Variants in MED1 observed in about 807,000 individuals in gnomAD.
The protein encoded by MED1 is mediator of RNA polymerase II transcription subunit 1.
Under a neutral mutation model 121.3 loss-of-function variants are expected in MED1, and 17 were observed. The ratio of observed to expected loss-of-function variants is 0.14; its 90% CI spans 0.10 to 0.21. MED1 has a LOEUF of 0.21. Ranked by LOEUF, MED1 falls within the 10% of genes least tolerant of loss-of-function variation. MED1 has a pLI of 1.00. For missense variants in MED1, 1,558 were observed against 1,919.4 expected, an observed-to-expected ratio of 0.81 and a Z score of 3.52; for synonymous variants, 661 against 694.4, an observed-to-expected ratio of 0.95 and a Z score of 0.76.
In MED1 at chr17:39,447,915, A is replaced by G; in HGVS notation, c.26-11T>C. The stretch of plus-strand genomic sequence containing the variant: ...TCAGCTTTTCTGACTCTATGATTTA[A>G]ATCAGAAAACGTTATCAGTAACTGT... On this transcript the variant is annotated splice_polypyrimidine_tract_variant and intron_variant, in intron 1 of 16. Coordinates refer to ENST00000300651, the MANE Select transcript of MED1 (RefSeq NM_004774.4). The G allele has an allele frequency of 6.3e-7, 1 of 1,579,386 alleles. No individual in the cohort carries two copies. Among genetic ancestry groups the G allele is most frequent in the Non-Finnish European group, 8.7e-7 (1 of 1,150,742 alleles).
At chr17:39,438,806 G>T (rs4795365) in intron 6 of MED1, among the ~76,000 whole-genome samples, 11,496 of 152,102 alleles carry the variant, frequency 0.076, 596 homozygotes, top group East Asian at 0.24. Flanking sequence ...AAAATTAGCT[G>T]GGCATGGTGG....
intron 3 of MED1, among the ~76,000 whole-genome samples, chr17:39,441,173 C>T (rs891148371): frequency 2.6e-5 from 4 of 152,016 alleles, no homozygotes; most frequent in Admixed American, 1.3e-4. Flanking sequence ...AATAGATGAA[C>T]CTTGAAGACA....
chr17:39,439,137 T>A (rs766832837), intron 6 of MED1, 28 bp downstream of exon 6: 6 of 1,587,146 alleles, frequency 3.8e-6, no homozygotes, highest in Non-Finnish European at 4.3e-6. Context: ...TCTGTCAATA[T>A]CAAGGAATAT....
intron 1 of MED1, among the ~76,000 whole-genome samples, chr17:39,448,702 G>A (rs2048753284): frequency 6.6e-6 from 1 of 152,212 alleles, no homozygotes; most frequent in East Asian, 1.9e-4. Context: ...CTGAGGTTGG[G>A]AATTCGAGAC....
intron 3 of MED1, among the ~76,000 whole-genome samples, 183 bp downstream of exon 3, chr17:39,443,367 T>C (rs910147172): frequency 1.3e-5 from 2 of 152,084 alleles, no homozygotes; most frequent in Non-Finnish European, 2.9e-5. Context: ...CAAAACAGGA[T>C]CAAAAATAAA....
intron 11 of MED1, 108 bp downstream of exon 11, chr17:39,424,519 A>G: frequency 1.4e-6 from 1 of 694,898 alleles, no homozygotes. Context: ...ATAAAACAAA[A>G]GGCCAACCTC....
rs1312668645 is a variant in MED1, at chr17:39,405,588, T to A, written c.*1887A>T. ...ATCAACATCACAAGATAAAGCACTC[T>A]GGTATCACCTGCCCATATCCTCCTT... On this transcript the variant is annotated 3_prime_UTR_variant, in exon 17 of 17. Transcript: ENST00000300651. 5.7e-6 allele frequency: 7 copies of A among 1,236,054 alleles called. No individual in the cohort carries two copies. Among genetic ancestry groups the A allele is most frequent in the African/African-American group, 1.5e-5 (1 of 65,654 alleles). 76.6% of individuals were successfully genotyped at this position (1,236,054 alleles called of 1,614,324 possible).
rs143205280 is a variant in MED1, at chr17:39,440,317, C to G, written c.399+69G>C. ...TAAACCCAAGCTATTTAAACCCCAACAATTAATTTTAAAATTAATGTCCCT... is the reference window on the plus strand; with the variant it reads ...TAAACCCAAGCTATTTAAACCCCAAGAATTAATTTTAAAATTAATGTCCCT... On this transcript the variant is annotated intron_variant, in intron 5 of 16. Transcript: ENST00000300651. The surrounding 1 kb of genome is among the most constrained non-coding windows in gnomAD (Gnocchi z 4.1). 2.7e-4 allele frequency: 390 copies of G among 1,455,348 alleles called. 3 individuals are homozygous for G. The East Asian group carries it at 8.9e-3, about 33-fold the overall frequency. 90.2% of individuals were successfully genotyped at this position (1,455,348 alleles called of 1,614,324 possible).
intron 1 of MED1, among the ~76,000 whole-genome samples, chr17:39,450,092 G>A (rs137924924): frequency 1.3e-5 from 2 of 150,842 alleles, no homozygotes; most frequent in East Asian, 4.0e-4. Context: ...GGGATTACAC[G>A]CGTGAGCCAC....
rs768196161 is a variant in MED1, at chr17:39,439,119, C to G, written c.428+46G>C. On this transcript the variant is annotated intron_variant, in intron 6 of 16. Transcript: ENST00000300651. The stretch of plus-strand genomic sequence containing the variant: ...AGTCTTAAAAGCCAGCTGTAAAGAA[C>G]AGCACTGTCTGTCAATATCAAGGAA... 88 of 1,554,492 alleles carry G rather than the reference C, an allele frequency of 5.7e-5. 1 individual carries two copies. The South Asian group carries it at 9.8e-4, about 17-fold the overall frequency.
chr17:39,431,969 T>A lies in MED1; in HGVS notation c.548A>T (p.Asp183Val). 1 of 1,607,724 alleles carries A rather than the reference T, an allele frequency of 6.2e-7. No homozygotes were observed. Among genetic ancestry groups the A allele is most frequent in the Middle Eastern group, 1.7e-4 (1 of 6,048 alleles). Residue 183 changes from aspartate (D) to valine (V), a missense_variant, in exon 8 of 17, where the codon GAT (aspartate) becomes GTT (valine). By Grantham distance (152) the Asp-to-Val change is radical. Around this residue, in one of 5 missense-constraint regions of MED1, gnomAD observed 443 missense variants for 532.4 expected, o/e 0.83. Transcript: ENST00000300651. ...MYLALQSLEQ[D>V]LSKMAIMYWK... ...GTACATAATTGCCATTTTAGAAAGA[T>A]CTTGTTCTAAGGATTGGAGAGCCAA...
chr17:39,449,758 C>A (rs1222523343), intron 1 of MED1, among the ~76,000 whole-genome samples: 1 of 150,986 alleles, frequency 6.6e-6, no homozygotes, highest in Non-Finnish European at 1.5e-5. Flanking sequence ...GATCCGCCCA[C>A]CTCAGCCTCC....
At chr17:39,413,148 C>T (rs1264495582) in intron 16 of MED1, among the ~76,000 whole-genome samples, 1 of 151,862 alleles carries the variant, frequency 6.6e-6, no homozygotes, top group Admixed American at 6.6e-5. Context: ...AATCTCGGCT[C>T]ACTGCAGCCT....
intron 2 of MED1, among the ~76,000 whole-genome samples, chr17:39,443,830 T>C (rs2048701888): frequency 6.8e-6 from 1 of 145,986 alleles, no homozygotes; most frequent in Admixed American, 6.9e-5. Flanking sequence ...TATATGAGTG[T>C]AGAAAAAGGT....
chr17:39,407,226 C>G lies in MED1; in HGVS notation c.*249G>C, dbSNP rs908992405. ...CTCCCACCCCCCTCCCTTTCTTAAG[C>G]AAGTATTTTAACTTTCTTTCTGGCA... On this transcript the variant is annotated 3_prime_UTR_variant, in exon 17 of 17. Transcript: ENST00000300651. The G allele has an allele frequency of 2.0e-6, 1 of 492,948 alleles. No homozygotes were observed. The highest frequency in any genetic ancestry group is 2.5e-5 in the African/African-American group (1 of 40,222). 30.5% of individuals were successfully genotyped at this position (492,948 alleles called of 1,614,324 possible). A position where few individuals can be genotyped will look rare whatever the true frequency, so the allele number is the denominator to read the frequency against.
chr17:39,448,982 T>A (rs1218461637), intron 1 of MED1, among the ~76,000 whole-genome samples: 2 of 151,544 alleles, frequency 1.3e-5, no homozygotes, highest in Non-Finnish European at 1.5e-5. Context: ...TCCTACTTCA[T>A]GAAGTTTCCA....
rs55829399 is a variant in MED1 at position 39,414,634 on chromosome 17, CTTTTTTTTTTTTTTTTTTTTTT to C, written c.1499+370_1499+391del. Among the ~76,000 whole-genome samples the C allele has an allele frequency of 0.01, 645 of 61,568 alleles. 29 individuals are homozygous for C. The Middle Eastern group carries it at 0.17, about 16-fold the overall frequency. The allele number at this position is 61,568 out of a possible 152,430, so 40.4% of individuals were successfully genotyped here. On this transcript the variant is annotated intron_variant, in intron 16 of 16. Coordinates refer to ENST00000300651, the MANE Select transcript of MED1 (RefSeq NM_004774.4). ...ACAGGCGTGAGCCACCAGGCCCGGCCTTTTTTTTTTTTTTTTTTTTTTTTTTTTTTTTTTTTTTTTACAACAA... is the reference window on the plus strand; with the variant it reads ...ACAGGCGTGAGCCACCAGGCCCGGCCTTTTTTTTTTTTTTTTTTACAACAA...
intron 13 of MED1, among the ~76,000 whole-genome samples, chr17:39,422,826 G>A (rs142048538): frequency 4.1e-4 from 62 of 149,516 alleles, no homozygotes; most frequent in Non-Finnish European, 7.8e-4. Flanking sequence ...CCTAATGGAA[G>A]CTCATGCCCT....
chr17:39,451,203 T>G lies in MED1; in HGVS notation c.-141A>C. ...CTTCCCGGGAAGGATCAATCTGAAGTCCCCGGCGGCAAGAAGAGAAGGGTG... is the reference window on the plus strand; with the variant it reads ...CTTCCCGGGAAGGATCAATCTGAAGGCCCCGGCGGCAAGAAGAGAAGGGTG... On this transcript the variant is annotated 5_prime_UTR_variant, in exon 1 of 17. Coordinates refer to ENST00000300651, the MANE Select transcript of MED1 (RefSeq NM_004774.4). 2.2e-6 allele frequency: 2 copies of G among 924,422 alleles called. No homozygotes were observed. The highest frequency in any genetic ancestry group is 3.3e-6 in the Non-Finnish European group (2 of 608,266). The allele number at this position is 924,422 out of a possible 1,614,324, so 57.3% of individuals were successfully genotyped here. A position where few individuals can be genotyped will look rare whatever the true frequency, so the allele number is the denominator to read the frequency against.
Sources: allele counts gnomAD v4.1 joint callset (sites outside exome capture counted in the v4.1 genomes callset), GRCh38; gene constraint gnomAD v4.1.1; regional missense constraint gnomAD v4.1.1; non-coding constraint Gnocchi (gnomAD v3.1); transcripts MANE v1.5; gene names NCBI Gene and HGNC (gene_info 2026-07-23, HGNC 2026-07-21).